Variants in ALB observed in about 807,000 individuals in gnomAD.
ALB encodes albumin.
A neutral mutation model predicts 74.5 loss-of-function variants in ALB; 37 were observed. The ratio of observed to expected loss-of-function variants is 0.50; its 90% CI spans 0.38 to 0.65. The LOEUF (loss-of-function observed/expected upper bound fraction) is 0.65, where lower values mean the gene tolerates loss of function less well. ALB is among the 30% of genes least tolerant of loss of function. ALB has a pLI of 0.00. For missense variants in ALB, 685 were observed against 718.7 expected (o/e 0.95, Z 0.54); for synonymous variants, 249 against 251.6 (o/e 0.99, Z 0.10).
intron 12 of ALB, among the ~76,000 whole-genome samples, chr4:73,418,768 G>A (rs1450279491): frequency 3.3e-5 from 5 of 152,150 alleles, no homozygotes; most frequent in South Asian, 4.1e-4. Context: ...AGAAATGCAA[G>A]CCCTGAAGCT....
chr4:73,417,212 A>T (rs907754785), intron 10 of ALB, among the ~76,000 whole-genome samples: 1 of 152,216 alleles, frequency 6.6e-6, no homozygotes, highest in African/African-American at 2.4e-5. Flanking sequence ...TTTCAAGTTT[A>T]GCATATGCTG....
intron 3 of ALB, among the ~76,000 whole-genome samples, chr4:73,406,981 C>T (rs1036797330): frequency 6.6e-6 from 1 of 152,138 alleles, no homozygotes; most frequent in Non-Finnish European, 1.5e-5. Flanking sequence ...TGAGACCAAA[C>T]ACAACAGTCA....
At chr4:73,405,739 C>T (rs1240178304) in intron 2 of ALB, among the ~76,000 whole-genome samples, 8 of 151,946 alleles carry the variant, frequency 5.3e-5, no homozygotes, top group Admixed American at 1.3e-4. Flanking sequence ...TACAGGCGCC[C>T]GCCATCACGC....
At chr4:73,417,014 CAT>C (rs1719029542) in intron 10 of ALB, among the ~76,000 whole-genome samples, 1 of 152,146 alleles carries the variant, frequency 6.6e-6, no homozygotes, top group South Asian at 2.1e-4. Context: ...GTGAACAAGA[CAT>C]AGTTTCTTTC....
At chr4:73,416,935 C>T (rs55637321) in intron 10 of ALB, among the ~76,000 whole-genome samples, 4,025 of 152,114 alleles carry the variant, frequency 0.026, 61 homozygotes, top group South Asian at 0.049. Context: ...ACATATTATA[C>T]AGTAGATATT....
At chr4:73,407,016 C>A (rs1369335438) in intron 3 of ALB, among the ~76,000 whole-genome samples, 1 of 152,036 alleles carries the variant, frequency 6.6e-6, no homozygotes, top group Admixed American at 6.6e-5. Context: ...GGCAATTTGT[C>A]ATTTATAAAC....
chr4:73,419,441 T>A, intron 12 of ALB, 66 bp from the exon 13 acceptor site: 6 of 1,519,364 alleles, frequency 3.9e-6, no homozygotes, highest in Non-Finnish European at 5.3e-6. Flanking sequence ...CCTTACTCTC[T>A]CCATTTTTCT....
At chr4:73,419,005 C>T (rs1234360014) in intron 12 of ALB, among the ~76,000 whole-genome samples, 1 of 152,062 alleles carries the variant, frequency 6.6e-6, no homozygotes, top group Non-Finnish European at 1.5e-5. Context: ...ATAGCCTCCC[C>T]ACTATTAGCT....
At position 73,409,464 on chromosome 4, in the gene ALB, A is replaced by G. The variant is rs1718815724; in HGVS notation, c.592A>G (p.Lys198Glu). The G allele has an allele frequency of 6.2e-7, 1 of 1,614,018 alleles. No homozygotes were observed. Among genetic ancestry groups the G allele is most frequent in the South Asian group, 1.1e-5 (1 of 91,074 alleles). The change falls in exon 5 of 15, where the codon AAA becomes GAA. Residue 198 changes from lysine to glutamate, a missense_variant. Physicochemically the swap from Lys to Glu is moderately conservative, Grantham distance 56 (BLOSUM62 1). Coordinates refer to ENST00000295897, the MANE Select transcript of ALB (RefSeq NM_000477.7). ...TACAGAATGTTGCCAAGCTGCTGAT[A>G]AAGCTGCCTGCCTGTTGCCAAAGGT... The part of the protein sequence containing the change: ...AFTECCQAAD[K>E]AACLLPKLDE...
At chr4:73,417,957 T>G in intron 11 of ALB, 131 bp from the exon 12 acceptor site, 2 of 888,590 alleles carry the variant, frequency 2.3e-6, no homozygotes, top group South Asian at 2.9e-5. Flanking sequence ...CAAGCCATTC[T>G]CCTGCCTCAG....
chr4:73,409,393 A>T lies in ALB; in HGVS notation c.521A>T (p.Tyr174Phe). The T allele has an allele frequency of 1.2e-6, 2 of 1,613,954 alleles. No homozygotes were observed. Among genetic ancestry groups the T allele is most frequent in the Non-Finnish European group, 1.7e-6 (2 of 1,179,866 alleles). The change falls in exon 5 of 15, where the codon TAT becomes TTT. Residue 174 changes from tyrosine to phenylalanine, a missense_variant. Coordinates refer to ENST00000295897, the MANE Select transcript of ALB (RefSeq NM_000477.7). The stretch of plus-strand genomic sequence containing the variant: ...ATTGCCAGAAGACATCCTTACTTTT[A>T]TGCCCCGGAACTCCTTTTCTTTGCT... Reference protein sequence around the residue: ...YEIARRHPYFYAPELLFFAKR... With the variant: ...YEIARRHPYFFAPELLFFAKR...
intron 9 of ALB, 93 bp downstream of exon 9, chr4:73,415,260 G>A: frequency 7.0e-7 from 1 of 1,427,110 alleles, no homozygotes; most frequent in Non-Finnish European, 9.8e-7. Context: ...ATGATATACA[G>A]TGCAATTTAG....
In ALB at chr4:73,416,271, C is replaced by A; in HGVS notation, c.1207C>A (p.Pro403Thr). 1.2e-6 allele frequency: 2 copies of A among 1,613,286 alleles called. No homozygotes were observed. The highest frequency in any genetic ancestry group is 1.7e-6 in the Non-Finnish European group (2 of 1,179,442). The stretch of plus-strand genomic sequence containing the variant: ...TATGTTTCAGTTCGATGAATTTAAA[C>A]CTCTTGTGGAAGAGCCTCAGAATTT... Reference protein sequence around the residue: ...CYAKVFDEFKPLVEEPQNLIK... With the variant: ...CYAKVFDEFKTLVEEPQNLIK... The change falls in exon 10 of 15, where the codon CCT becomes ACT. Residue 403 changes from proline to threonine, a missense_variant. Physicochemically the swap from Pro to Thr is conservative, Grantham distance 38. Coordinates refer to ENST00000295897, the MANE Select transcript of ALB (RefSeq NM_000477.7).
chr4:73,420,178 G>T, intron 13 of ALB, 76 bp from the exon 14 acceptor site: 1 of 1,312,714 alleles, frequency 7.6e-7, no homozygotes, highest in Non-Finnish European at 1.1e-6. Flanking sequence ...ATCATCAATA[G>T]CTTCATAAAT....
chr4:73,406,455 A>G (rs1240793597), intron 2 of ALB, among the ~76,000 whole-genome samples, 174 bp from the exon 3 acceptor site: 1 of 152,228 alleles, frequency 6.6e-6, no homozygotes, highest in African/African-American at 2.4e-5. Context: ...AGGAAGCCAC[A>G]TATGCCTATC....
rs2149329539 is a variant in ALB, at chr4:73,418,162, C to T, written c.1503C>T (p.Cys501=). ...TAAGTGACAGAGTCACCAAATGCTG[C>T]ACAGAATCCTTGGTGAACAGGCGAC... is the stretch of plus-strand genomic sequence containing the variant. ...TPVSDRVTKC[C]TESLVNRRPC... Residue 501 remains cysteine, a synonymous_variant, in exon 12 of 15, where the codon TGC becomes TGT. Transcript: ENST00000295897. 2 of 1,614,170 alleles carry T rather than the reference C, an allele frequency of 1.2e-6. No homozygotes were observed. Among genetic ancestry groups the T allele is most frequent in the South Asian group, 1.1e-5 (1 of 91,088 alleles).
chr4:73,417,740 T>G, intron 11 of ALB, 71 bp downstream of exon 11: 157 of 1,232,532 alleles, frequency 1.3e-4, no homozygotes, highest in Middle Eastern at 2.5e-4. Flanking sequence ...TAATGCTAGC[T>G]TTCATAAGCA....
intron 4 of ALB, 123 bp from the exon 5 acceptor site, chr4:73,409,232 G>T: frequency 9.6e-7 from 1 of 1,045,758 alleles, no homozygotes; most frequent in East Asian, 2.5e-5. Context: ...TGTGCAAATT[G>T]AGCTTAATTG....
intron 4 of ALB, chr4:73,409,147 GCACA>G (rs55764359): frequency 0.014 from 7,756 of 556,386 alleles, 38 homozygotes; most frequent in Non-Finnish European, 0.019. Context: ...AACCATTTAT[GCACA>G]CACACACACA....
Sources: allele counts gnomAD v4.1 joint callset (sites outside exome capture counted in the v4.1 genomes callset), GRCh38; gene constraint gnomAD v4.1.1; transcripts MANE v1.5; gene names NCBI Gene and HGNC (gene_info 2026-07-23, HGNC 2026-07-21).